The following CAMSAP3 variants were observed in gnomAD, a reference collection of about 807,000 sequenced individuals.
CAMSAP3 encodes the protein calmodulin regulated spectrin associated protein family member 3.
Under a neutral mutation model 112.5 loss-of-function variants are expected in CAMSAP3, and 34 were observed. The observed-to-expected ratio is 0.30, with a 90% confidence interval of 0.23 to 0.40. The LOEUF (loss-of-function observed/expected upper bound fraction) is 0.40, where lower values mean the gene tolerates loss of function less well. Among genes scored for constraint, CAMSAP3 ranks in the 10% least tolerant of loss-of-function variants. CAMSAP3 has a pLI of 1.00. For synonymous variants in CAMSAP3, 868 were observed against 799.8 expected (o/e 1.09, Z -1.44); for missense variants, 1,602 against 1,770.3 (o/e 0.90, Z 1.71).
At chr19:7,605,604 C>T (rs1156894886) in intron 2 of CAMSAP3, 125 bp downstream of exon 2, 2 of 1,134,078 alleles carry the variant, frequency 1.8e-6, no homozygotes, top group Non-Finnish European at 2.3e-6. Context: ...CAAGCTTTGT[C>T]GATTAAGCCT....
chr19:7,611,265 G>T lies in CAMSAP3; in HGVS notation c.1123+97G>T. On this transcript the variant is annotated intron_variant, in intron 9 of 16. Transcript: ENST00000160298. This position sits in a 1 kb window ranked among gnomAD's most constrained non-coding sequence, Gnocchi z 6.9. ...TTGTCTCCTCGTGAGCCTTCCAATAGCCTCTCCATCAGATCCCCCTTGGGC... is the reference window on the plus strand; with the variant it reads ...TTGTCTCCTCGTGAGCCTTCCAATATCCTCTCCATCAGATCCCCCTTGGGC... 1.6e-6 allele frequency: 2 copies of T among 1,250,978 alleles called. No homozygotes were observed. Among genetic ancestry groups the T allele is most frequent in the Non-Finnish European group, 2.3e-6 (2 of 867,222 alleles). The allele number at this position is 1,250,978 out of a possible 1,614,324, so 77.5% of individuals were successfully genotyped here.
In CAMSAP3 at chr19:7,612,989, G is replaced by A. The variant is rs2030588188; in HGVS notation, c.2496G>A (p.Thr832=). 1 of 1,582,722 alleles carries A rather than the reference G, an allele frequency of 6.3e-7. No homozygotes were observed. ...CTTCCATCCTCCTGGCGGAGGAGAC[G>A]CCCCCCGAGGAGCCAGCCGCCCGGC... ...TRSSILLAEE[T]PPEEPAARPG... is the part of the protein sequence containing the mutation. The change falls in exon 11 of 17, where the codon ACG becomes ACA. Residue 832 remains threonine (T), a synonymous_variant. Transcript: ENST00000160298.
In CAMSAP3 at chr19:7,612,521, C is replaced by G; in HGVS notation, c.2028C>G (p.Thr676=). ...CAGGCGAGGGCCAGGGTGAGCCAAC[C>G]TCACGGCCCAAGGCAGTGACCTTCT... The part of the protein sequence containing the change: ...RPAGEGQGEP[T]SRPKAVTFSP... Residue 676 remains threonine, a synonymous_variant, in exon 11 of 17, where the codon ACC becomes ACG. Coordinates refer to ENST00000160298, the MANE Select transcript of CAMSAP3 (RefSeq NM_020902.2). 2 of 1,538,780 alleles carry G rather than the reference C, an allele frequency of 1.3e-6. No homozygotes were observed. Among genetic ancestry groups the G allele is most frequent in the Non-Finnish European group, 8.7e-7 (1 of 1,145,260 alleles).
Position 7,613,031 on chromosome 19 carries a change from C to A in CAMSAP3, c.2538C>A (p.Ile846=). 1.3e-6 allele frequency: 2 copies of A among 1,555,140 alleles called. No individual in the cohort carries two copies. Among genetic ancestry groups the A allele is most frequent in the Non-Finnish European group, 1.7e-6 (2 of 1,150,962 alleles). ...EPAARPGLIE[I]PLGSLADPAA... ...CCGCCCGGCCGGGCCTCATCGAGAT[C>A]CCGCTGGGCAGCCTGGCAGATCCCG... is the stretch of plus-strand genomic sequence containing the variant. Residue 846 remains isoleucine (I), a synonymous_variant, in exon 11 of 17, where the codon ATC becomes ATA. Transcript: ENST00000160298.
In CAMSAP3 at chr19:7,615,447, C is replaced by T; in HGVS notation, c.2840C>T (p.Ala947Val). ...RLAQEEAPGP[A>V]PLVSAVPMAT... ...GCCCAAGAGGAGGCCCCGGGCCCAG[C>T]CCCGCTTGTGTCCGCAGTCCCGATG... Residue 947 changes from alanine to valine, a missense_variant, in exon 13 of 17, where the codon GCC becomes GTC. Transcript: ENST00000160298. The surrounding 1 kb of genome is among the most constrained non-coding windows in gnomAD (Gnocchi z 6.5). 6 of 1,540,978 alleles carry T rather than the reference C, an allele frequency of 3.9e-6. No homozygotes were observed. The highest frequency in any genetic ancestry group is 5.2e-6 in the Non-Finnish European group (6 of 1,146,170).
chr19:7,606,167 C>CCCCCCA, intron 2 of CAMSAP3, 104 bp from the exon 3 acceptor site: 2 of 841,178 alleles, frequency 2.4e-6, no homozygotes, highest in Non-Finnish European at 3.5e-6. Context: ...CCCCCCCCGT[C>CCCCCCA]AAGTCCCTCC....
Position 7,617,734 on chromosome 19 carries a change from T to C in CAMSAP3, c.3445-18T>C. On this transcript the variant is annotated intron_variant, in intron 16 of 16. Coordinates refer to ENST00000160298, the MANE Select transcript of CAMSAP3 (RefSeq NM_020902.2). The surrounding 1 kb of genome is among the most constrained non-coding windows in gnomAD (Gnocchi z 7.5). ...GGCCTGACTTGGCCAGCTGACCATT[T>C]CCAGCACTCCTGCCCAGGAAATTGA... 1 of 1,611,910 alleles carries C rather than the reference T, an allele frequency of 6.2e-7. No individual in the cohort carries two copies. Among genetic ancestry groups the C allele is most frequent in the Non-Finnish European group, 8.5e-7 (1 of 1,178,394 alleles).
chr19:7,613,200 C>G, intron 11 of CAMSAP3, 37 bp downstream of exon 11: 2 of 165,384 alleles, frequency 1.2e-5, no homozygotes, highest in East Asian at 3.7e-4. Flanking sequence ...GGTCCTGGGC[C>G]TGGGGCGGGG....
intron 11 of CAMSAP3, chr19:7,614,712 T>G (rs537408114): frequency 1.3e-4 from 26 of 195,840 alleles, no homozygotes; most frequent in Middle Eastern, 2.2e-3. Flanking sequence ...CCCTTGTACT[T>G]CCGTGCCCCC....
intron 13 of CAMSAP3, among the ~76,000 whole-genome samples, chr19:7,616,181 C>T (rs994440501): frequency 3.5e-5 from 5 of 144,766 alleles, no homozygotes; most frequent in South Asian, 2.1e-4. Flanking sequence ...AGCGAGACTC[C>T]GTCTCAGAAA....
In CAMSAP3 at chr19:7,612,272, G is replaced by A. The variant is rs2146171485; in HGVS notation, c.1779G>A (p.Pro593=). 3.1e-6 allele frequency: 5 copies of A among 1,596,892 alleles called. No individual in the cohort carries two copies. Among genetic ancestry groups the A allele is most frequent in the East Asian group, 2.3e-5 (1 of 43,954 alleles). The change falls in exon 11 of 17, where the codon CCG becomes CCA. Residue 593 remains proline (P), a synonymous_variant. Transcript: ENST00000160298. The stretch of plus-strand genomic sequence containing the variant: ...CCCCCACGTCCACTCCGGCCCCGCC[G>A]GAGGCCCTGAGCTCGGAGATGAGTG... ...AGSPTSTPAP[P]EALSSEMSEL... is the part of the protein sequence containing the mutation.
In CAMSAP3 at chr19:7,612,359, G is replaced by C; in HGVS notation, c.1866G>C (p.Glu622Asp). ...TCGAGGCTCAGAAGCGACGGATTGAGGCCATATTCGCCAAGCACCGCCAGC... is the reference window on the plus strand; with the variant it reads ...TCGAGGCTCAGAAGCGACGGATTGACGCCATATTCGCCAAGCACCGCCAGC... ...RAIEAQKRRI[E>D]AIFAKHRQRL... The change falls in exon 11 of 17, where the codon GAG becomes GAC. Residue 622 changes from glutamate to aspartate, a missense_variant. By Grantham distance (45) the Glu-to-Asp change is conservative. Transcript: ENST00000160298. The C allele has an allele frequency of 6.2e-7, 1 of 1,602,802 alleles. No individual in the cohort carries two copies. The highest frequency in any genetic ancestry group is 8.5e-7 in the Non-Finnish European group (1 of 1,177,422).
In CAMSAP3 at chr19:7,606,028, C is replaced by T. The variant is rs60305400; in HGVS notation, c.403-243C>T. On this transcript the variant is annotated intron_variant, in intron 2 of 16. Coordinates refer to ENST00000160298, the MANE Select transcript of CAMSAP3 (RefSeq NM_020902.2). ...TTGAGGATTTGTGTACACAGCCCAC[C>T]CTATCCTAACGCCTAGCATCTGACC... is the stretch of plus-strand genomic sequence containing the variant. Among the ~76,000 whole-genome samples, 1,143 of 152,242 alleles carry T rather than the reference C, an allele frequency of 7.5e-3. 17 individuals carry two copies. The highest frequency in any genetic ancestry group is 0.026 in the African/African-American group (1,089 of 41,536).
chr19:7,618,263 T>C lies in CAMSAP3; in HGVS notation c.*206T>C, dbSNP rs2030920270. 2 of 580,096 alleles carry C rather than the reference T, an allele frequency of 3.4e-6. No homozygotes were observed. Among genetic ancestry groups the C allele is most frequent in the Admixed American group, 6.3e-5 (2 of 31,958 alleles). The allele number at this position is 580,096 out of a possible 1,614,324, so 35.9% of individuals were successfully genotyped here. On this transcript the variant is annotated 3_prime_UTR_variant, in exon 17 of 17. Transcript: ENST00000160298. ...CTCAGGGCTCAGCTCAGTCCCCTTG[T>C]CTGTCCTCCCCCACTTCTTGAATAA...
chr19:7,613,855 A>T (rs1225700460), intron 11 of CAMSAP3, among the ~76,000 whole-genome samples: 1 of 151,610 alleles, frequency 6.6e-6, no homozygotes. Flanking sequence ...CCAGCCGGGG[A>T]CACCTAGGGT....
rs926451771 is a variant in CAMSAP3 at position 7,605,334 on chromosome 19, G to C, written c.257G>C (p.Arg86Thr). The C allele has an allele frequency of 6.2e-7, 1 of 1,610,274 alleles. No individual in the cohort carries two copies. Among genetic ancestry groups the C allele is most frequent in the Non-Finnish European group, 8.5e-7 (1 of 1,178,350 alleles). ...CTGCTCTCAGCCGAGCTCTACTGCA[G>C]AGCCTGGCGCCAGGCACTGCCACAG... ...RLLLSAELYCRAWRQALPQLE... is the reference protein window; with the variant it reads ...RLLLSAELYCTAWRQALPQLE... Residue 86 changes from arginine to threonine, a missense_variant, in exon 2 of 17, where the codon AGA becomes ACA. Physicochemically the swap from Arg to Thr is moderately conservative, Grantham distance 71. Coordinates refer to ENST00000160298, the MANE Select transcript of CAMSAP3 (RefSeq NM_020902.2).
At position 7,612,433 on chromosome 19, in the gene CAMSAP3, G is replaced by C; in HGVS notation, c.1940G>C (p.Gly647Ala). The stretch of plus-strand genomic sequence containing the variant: ...CAGGTGCAGCCGCGGGAAGCCTCTG[G>C]GGAGGCGGAAGCAGAGGCGGAGGAG... The part of the protein sequence containing the change: ...FLQVQPREAS[G>A]EAEAEAEEAD... The change falls in exon 11 of 17, where the codon GGG becomes GCG. Residue 647 changes from glycine to alanine, a missense_variant. Physicochemically the swap from Gly to Ala is moderately conservative, Grantham distance 60 (BLOSUM62 0). Around this residue, in one of 6 missense-constraint regions of CAMSAP3, gnomAD observed 1,100 missense variants for 1,135.7 expected, o/e 0.97. Transcript: ENST00000160298. The C allele has an allele frequency of 6.3e-7, 1 of 1,591,624 alleles. No individual in the cohort carries two copies.
chr19:7,618,112 G>T lies in CAMSAP3; in HGVS notation c.*55G>T. On this transcript the variant is annotated 3_prime_UTR_variant, in exon 17 of 17. Coordinates refer to ENST00000160298, the MANE Select transcript of CAMSAP3 (RefSeq NM_020902.2). The stretch of plus-strand genomic sequence containing the variant: ...CTGTGTGCTGCGGCCGCCATCCCCT[G>T]GAGGACAGTCAGTCGGTATTCCTGG... 1 of 1,562,176 alleles carries T rather than the reference G, an allele frequency of 6.4e-7. No individual in the cohort carries two copies. Among genetic ancestry groups the T allele is most frequent in the African/African-American group, 1.3e-5 (1 of 74,090 alleles).
intron 14 of CAMSAP3, 102 bp downstream of exon 14, chr19:7,616,724 A>G: frequency 1.2e-6 from 1 of 802,610 alleles, no homozygotes; most frequent in Non-Finnish European, 2.1e-6. Flanking sequence ...GTATGGCTCG[A>G]GTTTATGGAT....
Sources: gnomAD v4.1 joint callset for allele counts (sites outside exome capture counted in the v4.1 genomes callset) on GRCh38, gnomAD v4.1.1 for gene constraint, gnomAD v4.1.1 regional missense constraint, Gnocchi (gnomAD v3.1) non-coding constraint, MANE v1.5 for transcripts, NCBI Gene and HGNC (gene_info 2026-07-23, HGNC 2026-07-21) for gene names.